CYSTM1: variants seen among roughly 807,000 people sequenced by gnomAD.
The protein encoded by CYSTM1 is cysteine-rich transmembrane module-containing protein 1.
In CYSTM1, 4 loss-of-function variants were observed where a neutral mutation model predicts 13.1. That is an observed-to-expected ratio of 0.31 (90% CI 0.15 to 0.70). CYSTM1 has a LOEUF of 0.70. CYSTM1 is among the 30% of genes least tolerant of loss of function. CYSTM1 has a pLI of 0.72. For synonymous variants in CYSTM1, 36 were observed against 42.7 expected (o/e 0.84, Z 0.62); for missense variants, 96 against 121.6 (o/e 0.79, Z 0.99).
chr5:140,191,549 T>G (rs1183607244), intron 1 of CYSTM1, among the ~76,000 whole-genome samples: 1 of 152,154 alleles, frequency 6.6e-6, no homozygotes, highest in Non-Finnish European at 1.5e-5. Context: ...TCAATAAAAG[T>G]CATGAAACAT....
intron 2 of CYSTM1, among the ~76,000 whole-genome samples, chr5:140,235,408 C>CTTT (rs11310816): frequency 7.2e-6 from 1 of 139,518 alleles, no homozygotes; most frequent in African/African-American, 2.7e-5. Flanking sequence ...AAAAACTTTC[C>CTTT]TTTTTTTTTT....
chr5:140,206,293 C>T (rs1222900228), intron 2 of CYSTM1, among the ~76,000 whole-genome samples: 1 of 151,888 alleles, frequency 6.6e-6, no homozygotes, highest in Non-Finnish European at 1.5e-5. Context: ...GTTCTTCTGC[C>T]TGTTTTCCTT....
chr5:140,185,310 A>G (rs1181019663), intron 1 of CYSTM1, among the ~76,000 whole-genome samples: 1 of 152,212 alleles, frequency 6.6e-6, no homozygotes, highest in Non-Finnish European at 1.5e-5. Flanking sequence ...TTTGTACTCC[A>G]TAGAGGGGCT....
intron 2 of CYSTM1, among the ~76,000 whole-genome samples, chr5:140,212,582 C>T (rs889109548): frequency 3.3e-5 from 5 of 152,212 alleles, no homozygotes; most frequent in East Asian, 1.9e-4. Flanking sequence ...GCTAGGACTA[C>T]AGGTGCATGC....
chr5:140,231,002 C>A (rs1411438496), intron 2 of CYSTM1, among the ~76,000 whole-genome samples: 1 of 152,086 alleles, frequency 6.6e-6, no homozygotes, highest in Non-Finnish European at 1.5e-5. Flanking sequence ...CTACAGAAAA[C>A]CATGTTTGGC....
At chr5:140,181,273 C>T (rs561405705) in intron 1 of CYSTM1, among the ~76,000 whole-genome samples, 1 of 152,286 alleles carries the variant, frequency 6.6e-6, no homozygotes, top group Admixed American at 6.5e-5. Flanking sequence ...TGCTTTCCTG[C>T]TGCCACTAGC....
At chr5:140,205,566 A>C (rs1053324672) in intron 2 of CYSTM1, among the ~76,000 whole-genome samples, 1 of 152,226 alleles carries the variant, frequency 6.6e-6, no homozygotes, top group Non-Finnish European at 1.5e-5. Context: ...ACCAAGAGCC[A>C]CATTGGCTTA....
intron 2 of CYSTM1, among the ~76,000 whole-genome samples, chr5:140,233,906 G>A (rs977734766): frequency 1.4e-4 from 21 of 152,080 alleles, no homozygotes; most frequent in African/African-American, 4.3e-4. Flanking sequence ...TTTTCTCTGC[G>A]TCTGTAGCCT....
At position 140,206,607 on chromosome 5, in the gene CYSTM1, GTTGTTTGTTTGT is replaced by G. The variant is rs3083575; in HGVS notation, c.187+11978_187+11989del. Among the ~76,000 whole-genome samples the G allele has an allele frequency of 8.3e-3, 1,237 of 149,398 alleles. 11 individuals are homozygous for G. Among genetic ancestry groups the G allele is most frequent in the Middle Eastern group, 0.017 (5 of 292 alleles). Reference sequence around the variant, plus strand: ...GTGTCAGGGCCTTGTGCTGAGCACTGTTGTTTGTTTGTTTGTTTGTTTGTTTGTTTGTTTCTT... The same window carrying G: ...GTGTCAGGGCCTTGTGCTGAGCACTGTTGTTTGTTTGTTTGTTTGTTTCTT... On this transcript the variant is annotated intron_variant, in intron 2 of 2. Coordinates refer to ENST00000261811, the MANE Select transcript of CYSTM1 (RefSeq NM_032412.4).
chr5:140,195,270 A>G (rs1764140373), intron 2 of CYSTM1, among the ~76,000 whole-genome samples: 1 of 152,098 alleles, frequency 6.6e-6, no homozygotes, highest in Admixed American at 6.5e-5. Context: ...TTTTAGAGCA[A>G]TTTGGTTTTG....
intron 1 of CYSTM1, among the ~76,000 whole-genome samples, chr5:140,181,451 G>T (rs1159509936): frequency 6.6e-6 from 1 of 152,110 alleles, no homozygotes; most frequent in South Asian, 2.1e-4. Context: ...ATGTCTGGTG[G>T]TGGCTGTGTG....
chr5:140,183,916 G>C (rs1763987583), intron 1 of CYSTM1, among the ~76,000 whole-genome samples: 1 of 152,208 alleles, frequency 6.6e-6, no homozygotes, highest in African/African-American at 2.4e-5. Flanking sequence ...GGACCAAATT[G>C]TCTTCCCATG....
chr5:140,212,991 A>G (rs889147868), intron 2 of CYSTM1, among the ~76,000 whole-genome samples: 2 of 136,798 alleles, frequency 1.5e-5, no homozygotes, highest in African/African-American at 2.6e-5. Flanking sequence ...AAGTATATAT[A>G]TATATATATA....
At chr5:140,212,753 G>T (rs772575148) in intron 2 of CYSTM1, among the ~76,000 whole-genome samples, 4 of 152,018 alleles carry the variant, frequency 2.6e-5, no homozygotes, top group Non-Finnish European at 4.4e-5. Flanking sequence ...GACTGCTTGA[G>T]CCCAGGAGTT....
chr5:140,227,126 G>C (rs889853731), intron 2 of CYSTM1, among the ~76,000 whole-genome samples: 1 of 152,206 alleles, frequency 6.6e-6, no homozygotes, highest in Admixed American at 6.5e-5. Flanking sequence ...CATAGGCAGA[G>C]ACCAATGGCG....
At chr5:140,198,789 A>G (rs1278238246) in intron 2 of CYSTM1, among the ~76,000 whole-genome samples, 1 of 152,238 alleles carries the variant, frequency 6.6e-6, no homozygotes, top group Non-Finnish European at 1.5e-5. Context: ...TTTTTCAACC[A>G]TCACCACTAT....
At chr5:140,195,811 A>T (rs1452658567) in intron 2 of CYSTM1, among the ~76,000 whole-genome samples, 1 of 150,744 alleles carries the variant, frequency 6.6e-6, no homozygotes, top group African/African-American at 2.4e-5. Flanking sequence ...TTGGGAGGCC[A>T]AGGCGGGCAG....
At chr5:140,206,311 A>G (rs565330673) in intron 2 of CYSTM1, among the ~76,000 whole-genome samples, 14 of 148,486 alleles carry the variant, frequency 9.4e-5, no homozygotes, top group Middle Eastern at 6.8e-3. Flanking sequence ...CTTGCCTGAC[A>G]TACTGTGTTT....
chr5:140,195,511 G>A (rs1425954032), intron 2 of CYSTM1, among the ~76,000 whole-genome samples: 3 of 145,712 alleles, frequency 2.1e-5, no homozygotes, highest in East Asian at 2.0e-4. Flanking sequence ...GCGCGATCTC[G>A]GCTCACTGCA....
Sources: allele counts gnomAD v4.1 joint callset (sites outside exome capture counted in the v4.1 genomes callset), GRCh38; gene constraint gnomAD v4.1.1; transcripts MANE v1.5; gene names NCBI Gene and HGNC (gene_info 2026-07-23, HGNC 2026-07-21).